Variants in SHROOM3 observed in about 807,000 individuals in gnomAD.
SHROOM3 encodes the protein shroom family member 3, also known as protein Shroom3.
A neutral mutation model predicts 138.6 loss-of-function variants in SHROOM3; 47 were observed. That is an observed-to-expected ratio of 0.34 (90% CI 0.27 to 0.43). SHROOM3 has a LOEUF of 0.43. Ranked by LOEUF, SHROOM3 falls within the 20% of genes least tolerant of loss-of-function variation. SHROOM3 has a pLI of 1.00. For synonymous variants in SHROOM3, 1,062 were observed against 1,063.3 expected (o/e 1.00, Z 0.02); for missense variants, 2,491 against 2,596.5 (o/e 0.96, Z 0.88).
intron 2 of SHROOM3, among the ~76,000 whole-genome samples, chr4:76,677,571 G>A (rs1038606405): frequency 1.3e-5 from 2 of 152,120 alleles, no homozygotes; most frequent in African/African-American, 2.4e-5. Flanking sequence ...AGACAATGGC[G>A]CAACTCTTTG....
chr4:76,719,061 C>T (rs1720461062), intron 3 of SHROOM3, among the ~76,000 whole-genome samples: 1 of 152,150 alleles, frequency 6.6e-6, no homozygotes, highest in African/African-American at 2.4e-5. Context: ...TGCTGAGCTG[C>T]TCCTCATTTG....
intron 2 of SHROOM3, among the ~76,000 whole-genome samples, chr4:76,559,897 G>A (rs536048014): frequency 1.6e-4 from 24 of 152,324 alleles, no homozygotes; most frequent in African/African-American, 5.3e-4. Context: ...TGAAGGAGGC[G>A]CTGTGGACGC....
At chr4:76,570,156 AACACACACAC>A (rs57079760) in intron 2 of SHROOM3, among the ~76,000 whole-genome samples, 5 of 149,376 alleles carry the variant, frequency 3.3e-5, no homozygotes, top group African/African-American at 4.9e-5. Flanking sequence ...GAAATGTTAA[AACACACACAC>A]ACACACACAC....
intron 7 of SHROOM3, among the ~76,000 whole-genome samples, chr4:76,755,535 AC>A (rs900549619): frequency 3.3e-5 from 5 of 152,312 alleles, no homozygotes; most frequent in African/African-American, 1.2e-4. Flanking sequence ...GAAGACAAAA[AC>A]ATCACTTTTA....
chr4:76,598,166 A>G (rs1734428582), intron 2 of SHROOM3, among the ~76,000 whole-genome samples: 1 of 151,870 alleles, frequency 6.6e-6, no homozygotes, highest in Admixed American at 6.6e-5. Flanking sequence ...AGCTGGGACT[A>G]CAGGCGCCTG....
intron 2 of SHROOM3, among the ~76,000 whole-genome samples, chr4:76,655,631 G>GA (rs1736050687): frequency 6.6e-6 from 1 of 152,072 alleles, no homozygotes; most frequent in Non-Finnish European, 1.5e-5. Context: ...AAAGCTCCAA[G>GA]AAAAAACAAG....
intron 2 of SHROOM3, among the ~76,000 whole-genome samples, chr4:76,686,014 A>AT (rs894150283): frequency 6.8e-4 from 12 of 17,704 alleles, no homozygotes; most frequent in African/African-American, 2.6e-3. Context: ...AATGATAGCC[A>AT]TTTTTTTTTT....
chr4:76,481,292 G>C (rs1731603604), intron 1 of SHROOM3, among the ~76,000 whole-genome samples: 1 of 151,958 alleles, frequency 6.6e-6, no homozygotes, highest in Non-Finnish European at 1.5e-5. Context: ...AATGATAAAG[G>C]GGATATCACC....
intron 3 of SHROOM3, chr4:76,716,182 T>C: frequency 2.4e-6 from 1 of 409,940 alleles, no homozygotes; most frequent in Admixed American, 2.8e-5. Context: ...TTGGCCAATT[T>C]ACAGAGGGGA....
chr4:76,625,897 C>T (rs1437208469), intron 2 of SHROOM3, among the ~76,000 whole-genome samples: 2 of 152,318 alleles, frequency 1.3e-5, no homozygotes, highest in Non-Finnish European at 2.9e-5. Context: ...ATACTTAGAG[C>T]CTAGCACAGT....
intron 2 of SHROOM3, among the ~76,000 whole-genome samples, chr4:76,561,111 G>T (rs1274217434): frequency 6.6e-6 from 1 of 152,124 alleles, no homozygotes; most frequent in Non-Finnish European, 1.5e-5. Context: ...GAGAGCAGAG[G>T]GTAGGGAAAA....
At chr4:76,731,076 A>C in intron 4 of SHROOM3, 141 bp downstream of exon 4, 23 of 1,147,822 alleles carry the variant, frequency 2.0e-5, no homozygotes, top group Non-Finnish European at 2.8e-5. Context: ...TGCTTTTCTC[A>C]TCCTCTTATA....
rs770323295 is a variant in SHROOM3, at chr4:76,759,719, T to C, written c.5349+24T>C. ...AGGTAAATAAAGAATGGGATGCCCT[T>C]GTTCAGCTTTCCTCAGAAAAATTGA... is the stretch of plus-strand genomic sequence containing the variant. On this transcript the variant is annotated intron_variant, in intron 9 of 10. Coordinates refer to ENST00000296043, the MANE Select transcript of SHROOM3 (RefSeq NM_020859.4). 2.5e-6 allele frequency: 4 copies of C among 1,608,282 alleles called. No homozygotes were observed. In the East Asian group the frequency reaches 9.0e-5, roughly 36 times the overall value.
intron 1 of SHROOM3, among the ~76,000 whole-genome samples, chr4:76,488,838 A>G (rs1453371267): frequency 1.5e-5 from 2 of 132,220 alleles, no homozygotes; most frequent in Non-Finnish European, 3.5e-5. Flanking sequence ...TTCTCACAAC[A>G]ATCCTATGAG....
At chr4:76,522,661 G>A (rs1008785819) in intron 1 of SHROOM3, among the ~76,000 whole-genome samples, 2 of 152,102 alleles carry the variant, frequency 1.3e-5, no homozygotes, top group African/African-American at 2.4e-5. Context: ...CAGGTGTTGT[G>A]CCTGTAATCC....
At chr4:76,478,988 A>G (rs1181226704) in intron 1 of SHROOM3, among the ~76,000 whole-genome samples, 1 of 152,198 alleles carries the variant, frequency 6.6e-6, no homozygotes, top group Non-Finnish European at 1.5e-5. Flanking sequence ...CACCAACATC[A>G]AAGACCAAAG....
chr4:76,740,696 A>G lies in SHROOM3; in HGVS notation c.2523A>G (p.Leu841=). The G allele has an allele frequency of 6.2e-7, 1 of 1,613,980 alleles. No homozygotes were observed. Among genetic ancestry groups the G allele is most frequent in the Non-Finnish European group, 8.5e-7 (1 of 1,180,030 alleles). Reference sequence around the variant, plus strand: ...GTTTCTCTGAGTCAGCTGAACCCCTAGGCAACGGGGAGCAGCACTTCAAAA... The same window carrying G: ...GTTTCTCTGAGTCAGCTGAACCCCTGGGCAACGGGGAGCAGCACTTCAAAA... ...HIRFSESAEP[L]GNGEQHFKNG... The change falls in exon 5 of 11, where the codon CTA becomes CTG. Residue 841 remains leucine (L), a synonymous_variant. Transcript: ENST00000296043. The surrounding 1 kb of genome is among the most constrained non-coding windows in gnomAD (Gnocchi z 4.0).
intron 10 of SHROOM3, among the ~76,000 whole-genome samples, chr4:76,775,928 C>G (rs185037758): frequency 6.6e-6 from 1 of 151,860 alleles, no homozygotes; most frequent in East Asian, 2.0e-4. Context: ...AATTGTGCTG[C>G]TATAAACATG....
intron 2 of SHROOM3, among the ~76,000 whole-genome samples, chr4:76,703,289 T>G (rs190921901): frequency 2.7e-4 from 41 of 151,422 alleles, no homozygotes; most frequent in African/African-American, 9.7e-4. Flanking sequence ...CAGAGGGAGC[T>G]TCCTAGATGG....
Sources: allele counts gnomAD v4.1 joint callset (sites outside exome capture counted in the v4.1 genomes callset), GRCh38; gene constraint gnomAD v4.1.1; non-coding constraint Gnocchi (gnomAD v3.1); transcripts MANE v1.5; gene names NCBI Gene and HGNC (gene_info 2026-07-23, HGNC 2026-07-21).